MCC: variants seen among roughly 807,000 people sequenced by gnomAD.
MCC encodes colorectal mutant cancer protein.
In MCC, 90 loss-of-function variants were observed where a neutral mutation model predicts 116.2. The observed-to-expected ratio is 0.77, with a 90% CI of 0.65 to 0.92. MCC has a LOEUF of 0.92. Among genes scored for constraint, MCC ranks in the 40% least tolerant of loss-of-function variants. The pLI is 0.00. For synonymous variants in MCC, 578 were observed against 510.5 expected (o/e 1.13, Z -1.78); for missense variants, 1,516 against 1,312.2 (o/e 1.16, Z -2.40).
intron 3 of MCC, among the ~76,000 whole-genome samples, chr5:113,195,347 A>T (rs1378147703): frequency 6.6e-6 from 1 of 152,230 alleles, no homozygotes; most frequent in East Asian, 1.9e-4. Context: ...GGACACAGTG[A>T]GTTTCACTAA....
At chr5:113,418,689 T>TC (rs1554082351) in intron 1 of MCC, among the ~76,000 whole-genome samples, 1 of 131,140 alleles carries the variant, frequency 7.6e-6, no homozygotes, top group South Asian at 2.3e-4. Flanking sequence ...TCATCATTAT[T>TC]ATCATCATCA....
At chr5:113,354,229 A>G (rs1768352794) in intron 2 of MCC, among the ~76,000 whole-genome samples, 1 of 152,306 alleles carries the variant, frequency 6.6e-6, no homozygotes, top group South Asian at 2.1e-4. Context: ...TCTGTTGCAC[A>G]AGTGACTCAC....
intron 3 of MCC, among the ~76,000 whole-genome samples, chr5:113,239,812 T>C (rs1218373352): frequency 6.6e-6 from 1 of 152,196 alleles, no homozygotes; most frequent in Non-Finnish European, 1.5e-5. Flanking sequence ...AACTCCTCTC[T>C]GGGTGAAATC....
In MCC at chr5:113,434,372, G is replaced by C. The variant is rs749726686; in HGVS notation, c.171-49160C>G. On this transcript the variant is annotated intron_variant, in intron 1 of 18. Coordinates refer to ENST00000408903, the MANE Select transcript of MCC (RefSeq NM_001085377.2). This position sits in a 1 kb window ranked among gnomAD's most constrained non-coding sequence, Gnocchi z 4.2. ...CATCCCGCAGGCAGCGCTTGGAGAA[G>C]CTGAAGTCGGACAGCTTGATGTTGA... is the stretch of plus-strand genomic sequence containing the variant. The C allele has an allele frequency of 1.7e-5, 27 of 1,613,874 alleles. No individual in the cohort carries two copies. Among genetic ancestry groups the C allele is most frequent in the Non-Finnish European group, 1.6e-5 (19 of 1,179,988 alleles).
chr5:113,475,479 G>C (rs1252442163), intron 1 of MCC, among the ~76,000 whole-genome samples: 1 of 152,142 alleles, frequency 6.6e-6, no homozygotes, highest in Non-Finnish European at 1.5e-5. Flanking sequence ...ATCAGTTAGA[G>C]TCATCGATAA....
intron 3 of MCC, among the ~76,000 whole-genome samples, chr5:113,247,646 A>T (rs980808206): frequency 6.6e-6 from 1 of 152,188 alleles, no homozygotes; most frequent in African/African-American, 2.4e-5. Context: ...GAGGAGACTC[A>T]GCAGTTTAGG....
At chr5:113,264,734 T>C (rs959481129) in intron 3 of MCC, among the ~76,000 whole-genome samples, 2 of 152,198 alleles carry the variant, frequency 1.3e-5, no homozygotes, top group African/African-American at 4.8e-5. Flanking sequence ...AATTCACATT[T>C]CAGTGTCTGT....
intron 3 of MCC, among the ~76,000 whole-genome samples, chr5:113,337,246 T>G (rs1767892294): frequency 6.6e-6 from 1 of 152,120 alleles, no homozygotes; most frequent in Non-Finnish European, 1.5e-5. Context: ...TTGCCACCAC[T>G]CCAGCAGGCA....
At chr5:113,301,046 C>G (rs34512273) in intron 3 of MCC, among the ~76,000 whole-genome samples, 44,848 of 152,096 alleles carry the variant, frequency 0.29, 7,602 homozygotes, top group African/African-American at 0.44. Flanking sequence ...AAAAGTAAAG[C>G]ACCCACTGTG....
At chr5:113,155,169 C>T (rs975797353) in intron 3 of MCC, among the ~76,000 whole-genome samples, 3 of 152,184 alleles carry the variant, frequency 2.0e-5, no homozygotes, top group Admixed American at 1.3e-4. Context: ...CTTCACTTAA[C>T]ATAATGACCT....
At chr5:113,412,622 G>A (rs1194907598) in intron 1 of MCC, among the ~76,000 whole-genome samples, 2 of 152,178 alleles carry the variant, frequency 1.3e-5, no homozygotes, top group African/African-American at 2.4e-5. Context: ...CACTGATTTT[G>A]TATACTGAGA....
At chr5:113,070,768 T>C (rs1476715195) in intron 12 of MCC, among the ~76,000 whole-genome samples, 1 of 152,196 alleles carries the variant, frequency 6.6e-6, no homozygotes, top group African/African-American at 2.4e-5. Flanking sequence ...TAGAATGCAC[T>C]AGATTTATAA....
intron 2 of MCC, among the ~76,000 whole-genome samples, chr5:113,350,124 A>G (rs1768231898): frequency 6.6e-6 from 1 of 152,154 alleles, no homozygotes; most frequent in African/African-American, 2.4e-5. Context: ...TACCCAAAGC[A>G]ATCTACAGAT....
Position 113,071,210 on chromosome 5 carries a change from T to C in MCC, c.1809A>G (p.Gln603=). ...LNSRIEHLKS[Q]NDLLTITLEE... The stretch of plus-strand genomic sequence containing the variant: ...CCAAGGTTATGGTCAGGAGGTCATT[T>C]TGGGATTTGAGGTGCTCAATCCGGC... Residue 603 remains glutamine, a synonymous_variant, in exon 12 of 19, where the codon CAA becomes CAG. Coordinates refer to ENST00000408903, the MANE Select transcript of MCC (RefSeq NM_001085377.2). 1 of 1,614,112 alleles carries C rather than the reference T, an allele frequency of 6.2e-7. No individual in the cohort carries two copies. Among genetic ancestry groups the C allele is most frequent in the Non-Finnish European group, 8.5e-7 (1 of 1,180,006 alleles).
chr5:113,258,057 G>T (rs1765086087), intron 3 of MCC, among the ~76,000 whole-genome samples: 1 of 152,148 alleles, frequency 6.6e-6, no homozygotes, highest in Non-Finnish European at 1.5e-5. Context: ...GAAGTTGAAT[G>T]AGGGTAGAGA....
In MCC at chr5:113,084,199, A is replaced by G; in HGVS notation, c.1546-9T>C. On this transcript the variant is annotated splice_polypyrimidine_tract_variant and intron_variant, in intron 9 of 18. Coordinates refer to ENST00000408903, the MANE Select transcript of MCC (RefSeq NM_001085377.2). ...TTCACCCTCTCAGCAATCTTAAAAA[A>G]GAAAACAAAACATTATAGAAAACTA... The G allele has an allele frequency of 3.1e-6, 5 of 1,609,972 alleles. No individual in the cohort carries two copies. The highest frequency in any genetic ancestry group is 4.3e-6 in the Non-Finnish European group (5 of 1,176,210).
rs918537542 is a variant in MCC, at chr5:113,028,916, G to T, written c.2879+18C>A. 2 of 1,611,620 alleles carry T rather than the reference G, an allele frequency of 1.2e-6. No individual in the cohort carries two copies. Among genetic ancestry groups the T allele is most frequent in the Non-Finnish European group, 1.7e-6 (2 of 1,178,700 alleles). ...ACAGGTGGAGGGCGGTGGGGGCTGGGTATAGGGAGATTTTTACCTGTTGGC... is the reference window on the plus strand; with the variant it reads ...ACAGGTGGAGGGCGGTGGGGGCTGGTTATAGGGAGATTTTTACCTGTTGGC... On this transcript the variant is annotated intron_variant, in intron 18 of 18. Transcript: ENST00000408903.
chr5:113,075,916 C>G (rs1416902515), intron 11 of MCC, among the ~76,000 whole-genome samples: 2 of 152,182 alleles, frequency 1.3e-5, no homozygotes, highest in African/African-American at 4.8e-5. Flanking sequence ...AAGGAACCAA[C>G]AACTCCAGAT....
intron 8 of MCC, among the ~76,000 whole-genome samples, chr5:113,096,014 G>A (rs1421018214): frequency 6.6e-6 from 1 of 152,158 alleles, no homozygotes; most frequent in Non-Finnish European, 1.5e-5. Context: ...GCCCCGGGGT[G>A]CCTGTACCCT....
Sources: allele counts gnomAD v4.1 joint callset (sites outside exome capture counted in the v4.1 genomes callset), GRCh38; gene constraint gnomAD v4.1.1; non-coding constraint Gnocchi (gnomAD v3.1); transcripts MANE v1.5; gene names NCBI Gene and HGNC (gene_info 2026-07-23, HGNC 2026-07-21).